Variants in HMGN5 observed in about 807,000 individuals in gnomAD.
HMGN5 encodes the protein high mobility group nucleosome binding domain 5.
In HMGN5, 4 loss-of-function variants were observed where a neutral mutation model predicts 9.5. The ratio of observed to expected loss-of-function variants is 0.42; its 90% CI spans 0.21 to 0.96. The LOEUF (loss-of-function observed/expected upper bound fraction) is 0.96. HMGN5 is among the 40% of genes least tolerant of loss of function. The probability of loss-of-function intolerance (pLI) is 0.30; values close to 1 mark genes in which losing one functional copy is unlikely to be tolerated. For missense variants in HMGN5, 192 were observed against 187.5 expected, an observed-to-expected ratio of 1.02 and a Z score of -0.14; for synonymous variants, 55 against 57.1, an observed-to-expected ratio of 0.96 and a Z score of 0.16.
intron 1 of HMGN5, among the ~76,000 whole-genome samples, chrX:81,153,605 A>C (rs867567530): frequency 0.038 from 814 of 21,607 alleles, 92 homozygotes; most frequent in South Asian, 0.09. Context: ...ATATATATAT[A>C]TATATATATA....
intron 1 of HMGN5, among the ~76,000 whole-genome samples, chrX:81,174,574 A>G (rs761042757): frequency 9.0e-6 from 1 of 111,534 alleles, no homozygotes; most frequent in East Asian, 2.8e-4. Flanking sequence ...ATAGAATAAA[A>G]TACATCTACT....
intron 1 of HMGN5, among the ~76,000 whole-genome samples, chrX:81,136,492 AC>A (rs1413896660): frequency 9.0e-6 from 1 of 111,679 alleles, no homozygotes; most frequent in Non-Finnish European, 1.9e-5. Context: ...GTGATAAGTC[AC>A]ATATGTGTAT....
At chrX:81,176,269 C>T (rs763848298) in intron 1 of HMGN5, among the ~76,000 whole-genome samples, 11 of 111,665 alleles carry the variant, frequency 9.9e-5, no homozygotes, top group Admixed American at 1.9e-4. Flanking sequence ...ACCAAAACCC[C>T]ATCTGTAGGT....
intron 1 of HMGN5, among the ~76,000 whole-genome samples, chrX:81,125,883 C>G (rs1486832404): frequency 9.0e-6 from 1 of 110,922 alleles, no homozygotes; most frequent in Non-Finnish European, 1.9e-5. Context: ...TGTGGTGGCT[C>G]GCGTCTGTAA....
chrX:81,141,388 C>T (rs1349361417), intron 1 of HMGN5, among the ~76,000 whole-genome samples: 1 of 110,507 alleles, frequency 9.0e-6, no homozygotes. Context: ...ACAAGTCTGA[C>T]CCAGCTCAGT....
chrX:81,195,468 C>T (rs1213292572), intron 1 of HMGN5, among the ~76,000 whole-genome samples: 1 of 111,354 alleles, frequency 9.0e-6, no homozygotes, highest in Non-Finnish European at 1.9e-5. Context: ...TCTCCTTTGG[C>T]AACACCCTCA....
chrX:81,201,518 G>T (rs1333622599), intron 1 of HMGN5, among the ~76,000 whole-genome samples: 2 of 111,655 alleles, frequency 1.8e-5, no homozygotes, highest in Non-Finnish European at 3.8e-5. Context: ...AATTCCCACG[G>T]AAGCAGGGTT....
intron 1 of HMGN5, among the ~76,000 whole-genome samples, chrX:81,188,404 C>A (rs1203186457): frequency 9.1e-6 from 1 of 109,433 alleles, no homozygotes; most frequent in Non-Finnish European, 1.9e-5. Flanking sequence ...GCTGGGATTA[C>A]AAGCGTGAGC....
At chrX:81,200,537 A>T (rs2075522989) in intron 1 of HMGN5, among the ~76,000 whole-genome samples, 1 of 111,980 alleles carries the variant, frequency 8.9e-6, no homozygotes, top group African/African-American at 3.3e-5. Flanking sequence ...ATAGAAAAGG[A>T]TGAGTTCATG....
intron 1 of HMGN5, among the ~76,000 whole-genome samples, chrX:81,174,844 A>G (rs1214625000): frequency 9.0e-6 from 1 of 111,594 alleles, no homozygotes; most frequent in African/African-American, 3.2e-5. Flanking sequence ...TCCTAAGAGT[A>G]GCATTTATCT....
chrX:81,178,273 G>A (rs1481728254), intron 1 of HMGN5, among the ~76,000 whole-genome samples: 2 of 111,528 alleles, frequency 1.8e-5, no homozygotes, highest in Non-Finnish European at 3.8e-5. Flanking sequence ...ATGAATCCAT[G>A]AGCTGGTTTT....
chrX:81,170,982 A>G (rs2075424592), intron 1 of HMGN5, among the ~76,000 whole-genome samples: 1 of 111,330 alleles, frequency 9.0e-6, no homozygotes, highest in South Asian at 3.8e-4. Context: ...ACTGACTTCA[A>G]TCCTGATGTT....
At chrX:81,184,393 C>T (rs1473935376) in intron 1 of HMGN5, among the ~76,000 whole-genome samples, 2 of 111,670 alleles carry the variant, frequency 1.8e-5, no homozygotes, top group Non-Finnish European at 3.8e-5. Context: ...ATGCCAGAAT[C>T]ATGCTTCCTG....
chrX:81,188,515 C>A lies in HMGN5; in HGVS notation c.-124+13222G>T, dbSNP rs767713325. On this transcript the variant is annotated intron_variant, in intron 1 of 6. Coordinates refer to ENST00000358130, the MANE Select transcript of HMGN5 (RefSeq NM_030763.3). ...TATATACTTTAAGTTTTAGGGTACACGTGCACAACGTGCAGGTTTGTTACA... is the reference window on the plus strand; with the variant it reads ...TATATACTTTAAGTTTTAGGGTACAAGTGCACAACGTGCAGGTTTGTTACA... Among the ~76,000 whole-genome samples the A allele has an allele frequency of 5.5e-5, 6 of 109,121 alleles. No individual in the cohort carries two copies. In the South Asian group the frequency reaches 2.4e-3, roughly 43 times the overall value. The allele number at this position is 109,121 out of a possible 115,157, so 94.8% of individuals were successfully genotyped here.
At chrX:81,148,283 A>G (rs2075351074) in intron 1 of HMGN5, among the ~76,000 whole-genome samples, 1 of 112,084 alleles carries the variant, frequency 8.9e-6, no homozygotes, top group Non-Finnish European at 1.9e-5. Context: ...CAAAACAGAT[A>G]TATAGACCAA....
intron 1 of HMGN5, among the ~76,000 whole-genome samples, chrX:81,148,198 A>C (rs2075350751): frequency 8.9e-6 from 1 of 111,936 alleles, no homozygotes. Flanking sequence ...AAAAAGAACA[A>C]AGCTGTGTGC....
intron 1 of HMGN5, among the ~76,000 whole-genome samples, chrX:81,126,374 A>T (rs1412568222): frequency 9.0e-6 from 1 of 111,021 alleles, no homozygotes; most frequent in Non-Finnish European, 1.9e-5. Context: ...GATTCATTGG[A>T]TCCTCACTCA....
At chrX:81,153,613 ATATATATATATATATATATATATATATG>A (rs1236863813) in intron 1 of HMGN5, among the ~76,000 whole-genome samples, 1 of 45,271 alleles carries the variant, frequency 2.2e-5, no homozygotes, top group African/African-American at 9.3e-5. Flanking sequence ...ATATATATAT[ATATATATATATATATATATATATATATG>A]TATCTCCTTG....
chrX:81,182,930 A>G (rs2075466909), intron 1 of HMGN5, among the ~76,000 whole-genome samples: 1 of 111,653 alleles, frequency 9.0e-6, no homozygotes. Flanking sequence ...AGACAGGAAG[A>G]TGAGGGAAAG....
Sources: allele counts gnomAD v4.1 joint callset (sites outside exome capture counted in the v4.1 genomes callset), GRCh38; gene constraint gnomAD v4.1.1; transcripts MANE v1.5; gene names NCBI Gene and HGNC (gene_info 2026-07-23, HGNC 2026-07-21).